KTN1: variants seen among roughly 807,000 people sequenced by gnomAD.
KTN1 encodes the protein kinectin 1, also known as kinectin.
A neutral mutation model predicts 222.5 loss-of-function variants in KTN1; 130 were observed. The observed-to-expected ratio is 0.58, with a 90% CI of 0.51 to 0.68. The LOEUF (loss-of-function observed/expected upper bound fraction) is 0.68. KTN1 is among the 30% of genes least tolerant of loss of function. The pLI is 0.00. For synonymous variants in KTN1, 512 were observed against 496.3 expected (o/e 1.03, Z -0.42); for missense variants, 1,508 against 1,500.4 (o/e 1.01, Z -0.08).
chr14:55,652,061 C>T (rs2042975692), intron 25 of KTN1, 134 bp downstream of exon 25: 1 of 597,346 alleles, frequency 1.7e-6, no homozygotes, highest in South Asian at 2.5e-5. Context: ...CTCAAAACTC[C>T]TAAGGGCCCT....
intron 42 of KTN1, chr14:55,679,057 A>G (rs2046140874): frequency 6.4e-6 from 1 of 155,310 alleles, no homozygotes; most frequent in South Asian, 2.0e-4. Flanking sequence ...ATCTTTAGCC[A>G]CTTTGTGCTT....
intron 2 of KTN1, among the ~76,000 whole-genome samples, chr14:55,614,736 A>G (rs2140666242): frequency 6.6e-6 from 1 of 152,314 alleles, no homozygotes; most frequent in Non-Finnish European, 1.5e-5. Context: ...AGACTTGAAT[A>G]GTTGTACCAG....
At chr14:55,665,391 T>C (rs185937692) in intron 33 of KTN1, among the ~76,000 whole-genome samples, 1 of 152,152 alleles carries the variant, frequency 6.6e-6, no homozygotes, top group Admixed American at 6.6e-5. Flanking sequence ...CATTTTATGA[T>C]TCTAAAAGAA....
chr14:55,600,537 A>C (rs1210170027), intron 1 of KTN1, among the ~76,000 whole-genome samples: 1 of 152,164 alleles, frequency 6.6e-6, no homozygotes, highest in Admixed American at 6.5e-5. Flanking sequence ...GGAGGTATTC[A>C]TCCCTGCTTT....
intron 1 of KTN1, among the ~76,000 whole-genome samples, chr14:55,600,051 G>T (rs2035733499): frequency 6.6e-6 from 1 of 151,148 alleles, no homozygotes; most frequent in African/African-American, 2.4e-5. Context: ...AGTCATTTTT[G>T]ATAGTATTTG....
intron 3 of KTN1, 88 bp downstream of exon 3, chr14:55,616,742 C>A: frequency 9.4e-7 from 1 of 1,068,714 alleles, no homozygotes; most frequent in Non-Finnish European, 1.3e-6. Context: ...CGCTCTTTAG[C>A]TCCCAGTTTA....
intron 1 of KTN1, among the ~76,000 whole-genome samples, chr14:55,606,076 TTTG>T (rs1448329484): frequency 6.6e-6 from 1 of 152,218 alleles, no homozygotes; most frequent in Non-Finnish European, 1.5e-5. Context: ...GATAGTTTTT[TTTG>T]TTGTTTTTTG....
At chr14:55,634,799 TG>T (rs1383640465) in intron 9 of KTN1, 141 bp downstream of exon 9, 3 of 627,694 alleles carry the variant, frequency 4.8e-6, no homozygotes, top group Non-Finnish European at 5.2e-6. Flanking sequence ...TCAACATGGC[TG>T]GGGAGGCCTC....
chr14:55,603,738 T>C (rs894524678), intron 1 of KTN1, among the ~76,000 whole-genome samples: 20 of 152,234 alleles, frequency 1.3e-4, no homozygotes, highest in African/African-American at 3.9e-4. Context: ...ACAACTCTTA[T>C]TTAGCTGTCT....
chr14:55,585,446 CTTTT>C (rs2140307880), intron 1 of KTN1, among the ~76,000 whole-genome samples: 1 of 152,176 alleles, frequency 6.6e-6, no homozygotes, highest in East Asian at 1.9e-4. Context: ...TTTTATTTGC[CTTTT>C]TATTTTTACT....
chr14:55,581,923 A>G (rs1175269052), intron 1 of KTN1, among the ~76,000 whole-genome samples: 3 of 131,950 alleles, frequency 2.3e-5, no homozygotes. Context: ...CTTTTTTTTT[A>G]GTTTAAGGAT....
Position 55,672,921 on chromosome 14 carries a change from A to G in KTN1, c.3604-8A>G, listed in dbSNP as rs2045572888. 1 of 1,609,160 alleles carries G rather than the reference A, an allele frequency of 6.2e-7. No individual in the cohort carries two copies. Among genetic ancestry groups the G allele is most frequent in the Non-Finnish European group, 8.5e-7 (1 of 1,176,068 alleles). ...AGTGTGTTAACTTTTCCTTTGTTGC[A>G]TTGCTAGCTGAGAAGAGAACGAGAA... On this transcript the variant is annotated splice_region_variant and splice_polypyrimidine_tract_variant and intron_variant, in intron 38 of 43. Coordinates refer to ENST00000395314, the MANE Select transcript of KTN1 (RefSeq NM_001079521.2).
Position 55,672,647 on chromosome 14 carries a change from A to G in KTN1, c.3549A>G (p.Thr1183=), listed in dbSNP as rs2045549683. 6.2e-7 allele frequency: 1 copy of G among 1,606,302 alleles called. No individual in the cohort carries two copies. The highest frequency in any genetic ancestry group is 1.3e-5 in the African/African-American group (1 of 74,856). Reference sequence around the variant, plus strand: ...CATTTCAGATGCAGTCATCATTTACATCTTCAGAACAAGAGCTAGAGCGAT... The same window carrying G: ...CATTTCAGATGCAGTCATCATTTACGTCTTCAGAACAAGAGCTAGAGCGAT... ...KTIKQMQSSF[T]SSEQELERLR... is the part of the protein sequence containing the mutation. The change falls in exon 38 of 44, where the codon ACA becomes ACG. Residue 1183 remains threonine, a synonymous_variant. Transcript: ENST00000395314.
chr14:55,658,594 A>G lies in KTN1; in HGVS notation c.2941A>G (p.Lys981Glu), dbSNP rs1486912390. 1.2e-6 allele frequency: 2 copies of G among 1,605,630 alleles called. No individual in the cohort carries two copies. Among genetic ancestry groups the G allele is most frequent in the Non-Finnish European group, 1.7e-6 (2 of 1,173,728 alleles). ...KLFKSQIEQL[K>E]QQNYQQASSF... ...GTTTAAGTCCCAAATTGAGCAGCTT[A>G]AACAACAAAACTACCAACAGGTAGG... Residue 981 changes from lysine to glutamate, a missense_variant, in exon 30 of 44, where the codon AAA becomes GAA. Physicochemically the swap from Lys to Glu is moderately conservative, Grantham distance 56 (BLOSUM62 1). Transcript: ENST00000395314.
At chr14:55,599,625 G>A (rs1289880850) in intron 1 of KTN1, among the ~76,000 whole-genome samples, 1 of 151,976 alleles carries the variant, frequency 6.6e-6, no homozygotes, top group Non-Finnish European at 1.5e-5. Context: ...ACAGGCTCCC[G>A]CCACCACGCT....
intron 34 of KTN1, among the ~76,000 whole-genome samples, chr14:55,670,166 AT>A (rs2045318764): frequency 6.6e-6 from 1 of 152,048 alleles, no homozygotes; most frequent in South Asian, 2.1e-4. Flanking sequence ...ATCACTTCTC[AT>A]TAGGATTTTT....
In KTN1 at chr14:55,658,577, C is replaced by A; in HGVS notation, c.2924C>A (p.Ser975Tyr). 1 of 1,604,530 alleles carries A rather than the reference C, an allele frequency of 6.2e-7. No homozygotes were observed. Among genetic ancestry groups the A allele is most frequent in the Non-Finnish European group, 8.5e-7 (1 of 1,172,908 alleles). Residue 975 changes from serine (S) to tyrosine (Y), a missense_variant, in exon 30 of 44, where the codon TCC becomes TAC. Coordinates refer to ENST00000395314, the MANE Select transcript of KTN1 (RefSeq NM_001079521.2). ...DVQDENKLFKSQIEQLKQQNY... is the reference protein window; with the variant it reads ...DVQDENKLFKYQIEQLKQQNY... Reference sequence around the variant, plus strand: ...CAAGATGAAAACAAATTGTTTAAGTCCCAAATTGAGCAGCTTAAACAACAA... The same window carrying A: ...CAAGATGAAAACAAATTGTTTAAGTACCAAATTGAGCAGCTTAAACAACAA...
chr14:55,659,339 AAC>A (rs2043858257), intron 30 of KTN1, among the ~76,000 whole-genome samples: 2 of 149,306 alleles, frequency 1.3e-5, no homozygotes, highest in East Asian at 1.9e-4. Flanking sequence ...TTGGAAGCTT[AAC>A]AGTTTTATGT....
chr14:55,613,399 G>T (rs2037880504), intron 2 of KTN1, among the ~76,000 whole-genome samples: 1 of 152,006 alleles, frequency 6.6e-6, no homozygotes. Context: ...GCGTGGCGAT[G>T]TGTGAAACTG....
Sources: gnomAD v4.1 joint callset for allele counts (sites outside exome capture counted in the v4.1 genomes callset) on GRCh38, gnomAD v4.1.1 for gene constraint, MANE v1.5 for transcripts, NCBI Gene and HGNC (gene_info 2026-07-23, HGNC 2026-07-21) for gene names.